RNF6: variants seen among roughly 807,000 people sequenced by gnomAD.
RNF6 encodes the protein ring finger protein 6.
RNF6 carries 21 observed loss-of-function variants against 50.1 expected under a neutral mutation model. The observed-to-expected ratio is 0.42, with a 90% confidence interval of 0.30 to 0.60. RNF6 has a LOEUF of 0.60. Ranked by LOEUF, RNF6 falls within the 20% of genes least tolerant of loss-of-function variation. RNF6 has a pLI of 0.20. For synonymous variants in RNF6, 255 were observed against 291.8 expected (o/e 0.87, Z 1.29); for missense variants, 698 against 838.2 (o/e 0.83, Z 2.07).
rs71080234 is a variant in RNF6, at chr13:26,153,191, ATATTTTATTT to A, written n.769-20750_769-20741del. On this transcript the variant is annotated intron_variant and non_coding_transcript_variant, in intron 5 of 5. Transcript: ENST00000468480. Reference sequence around the variant, plus strand: ...AAAAAGAAAAGACTAAAGATGTAAGATATTTTATTTTATTTTATTTTATTTTATGTATTTT... The same window carrying A: ...AAAAAGAAAAGACTAAAGATGTAAGATATTTTATTTTATTTTATGTATTTT... Among the ~76,000 whole-genome samples the A allele has an allele frequency of 1.1e-3, 171 of 149,918 alleles. 4 individuals are homozygous for A. In the South Asian group the frequency reaches 0.027, roughly 24 times the overall value.
intron 5 of RNF6, among the ~76,000 whole-genome samples, chr13:26,160,931 C>G (rs1419998828): frequency 6.6e-6 from 1 of 152,026 alleles, no homozygotes; most frequent in Admixed American, 6.6e-5. Context: ...CAGAATGGAT[C>G]GGGGCTGACT....
intron 5 of RNF6, among the ~76,000 whole-genome samples, chr13:26,137,920 T>C (rs1870735205): frequency 6.6e-6 from 1 of 151,928 alleles, no homozygotes; most frequent in South Asian, 2.1e-4. Flanking sequence ...GGAAGACACA[T>C]GAAGAAGAAC....
chr13:26,222,162 C>T lies in RNF6; in HGVS notation c.-261G>A, dbSNP rs1313718414. 6.6e-6 allele frequency: 1 copy of T among 152,420 alleles called. No individual in the cohort carries two copies. Among genetic ancestry groups the T allele is most frequent in the Admixed American group, 6.5e-5 (1 of 15,284 alleles). 9.4% of individuals were successfully genotyped at this position (152,420 alleles called of 1,614,324 possible). A position where few individuals can be genotyped will look rare whatever the true frequency, so the allele number is the denominator to read the frequency against. On this transcript the variant is annotated 5_prime_UTR_variant, in exon 1 of 5. Coordinates refer to ENST00000381588, the MANE Select transcript of RNF6 (RefSeq NM_005977.4). The stretch of plus-strand genomic sequence containing the variant: ...CGAATTGGCCACTGAGGAGAGAAGC[C>T]GGAAGCCCGTGCTGCAGCGTGGGGT...
intron 5 of RNF6, among the ~76,000 whole-genome samples, chr13:26,148,672 G>T (rs1488716539): frequency 4.4e-5 from 2 of 45,106 alleles, no homozygotes; most frequent in Admixed American, 2.3e-4. Flanking sequence ...ATATATATAT[G>T]AGGGAGATAT....
At chr13:26,220,750 C>A (rs950245065) in intron 2 of RNF6, among the ~76,000 whole-genome samples, 2 of 152,204 alleles carry the variant, frequency 1.3e-5, no homozygotes, top group African/African-American at 2.4e-5. Context: ...AGTAATACAG[C>A]ACCTGACTCA....
intron 5 of RNF6, chr13:26,142,243 C>A (rs564943929): frequency 6.6e-6 from 1 of 152,120 alleles, no homozygotes; most frequent in South Asian, 2.1e-4. Context: ...TGTTGGTGAG[C>A]CTGCAGAGAA....
intron 5 of RNF6, among the ~76,000 whole-genome samples, chr13:26,205,096 C>T (rs1359839539): frequency 6.6e-6 from 1 of 152,148 alleles, no homozygotes; most frequent in Non-Finnish European, 1.5e-5. Context: ...GCCAGATAGA[C>T]CATGGCTCAT....
At chr13:26,190,457 T>A (rs1000101876) in intron 5 of RNF6, among the ~76,000 whole-genome samples, 2 of 152,210 alleles carry the variant, frequency 1.3e-5, no homozygotes, top group Non-Finnish European at 2.9e-5. Context: ...GAATCCCTCC[T>A]ATGTGACTTC....
intron 5 of RNF6, among the ~76,000 whole-genome samples, chr13:26,138,641 T>C (rs1366849356): frequency 6.6e-6 from 1 of 152,152 alleles, no homozygotes; most frequent in African/African-American, 2.4e-5. Context: ...AGGTTTTATA[T>C]ACTATGGAAA....
At chr13:26,158,936 GT>G (rs1433104962) in intron 5 of RNF6, among the ~76,000 whole-genome samples, 6 of 152,148 alleles carry the variant, frequency 3.9e-5, no homozygotes, top group African/African-American at 1.4e-4. Flanking sequence ...GGAACCTTGT[GT>G]AACAAAGTCA....
chr13:26,209,966 AACAAAACTTGCTG>A (rs1395598023), downstream of RNF6, among the ~76,000 whole-genome samples: 1 of 152,216 alleles, frequency 6.6e-6, no homozygotes, highest in Non-Finnish European at 1.5e-5. Flanking sequence ...TTAATACTCA[AACAAAACTTGCTG>A]AAATGATGGA....
chr13:26,141,385 G>A (rs540173758), intron 5 of RNF6, among the ~76,000 whole-genome samples: 13 of 149,172 alleles, frequency 8.7e-5, no homozygotes, highest in African/African-American at 3.0e-4. Context: ...CAGAGGTTGT[G>A]CCACTGCACT....
At chr13:26,167,144 G>A (rs1287355111) in intron 5 of RNF6, among the ~76,000 whole-genome samples, 1 of 152,168 alleles carries the variant, frequency 6.6e-6, no homozygotes, top group East Asian at 1.9e-4. Context: ...ATAGGAACTG[G>A]CAAAGATTTC....
rs373431408 is a variant in RNF6 at position 26,175,690 on chromosome 13, T to C, written n.768+39784A>G. On this transcript the variant is annotated intron_variant and non_coding_transcript_variant, in intron 5 of 5. Transcript: ENST00000468480. ...GAGTGGGGGAAAACCAGGACAGGGA[T>C]CCAAGAGGGAGTGAGAGAGTAACAG... Among the ~76,000 whole-genome samples the C allele has an allele frequency of 3.3e-5, 5 of 152,140 alleles. No homozygotes were observed. The East Asian group carries it at 7.8e-4, about 24-fold the overall frequency.
intron 5 of RNF6, among the ~76,000 whole-genome samples, chr13:26,169,826 G>A (rs1356829054): frequency 6.6e-6 from 1 of 152,122 alleles, no homozygotes; most frequent in Non-Finnish European, 1.5e-5. Context: ...AATACAGATA[G>A]GCTACAGTCT....
intron 5 of RNF6, among the ~76,000 whole-genome samples, chr13:26,172,155 A>G (rs1003804444): frequency 6.6e-6 from 1 of 152,240 alleles, no homozygotes; most frequent in African/African-American, 2.4e-5. Flanking sequence ...AAATACACCA[A>G]GGGAAAGTGA....
intron 5 of RNF6, among the ~76,000 whole-genome samples, chr13:26,168,467 T>C: frequency 1.3e-5 from 2 of 152,356 alleles, no homozygotes; most frequent in East Asian, 1.9e-4. Context: ...GTGTCGTTTT[T>C]GGGCAGGGGT....
chr13:26,174,369 G>C (rs193269075), intron 5 of RNF6, among the ~76,000 whole-genome samples: 5 of 152,082 alleles, frequency 3.3e-5, no homozygotes. Context: ...AACTGAAATA[G>C]GCTGGGCACG....
chr13:26,173,074 G>A (rs531646042), intron 5 of RNF6, among the ~76,000 whole-genome samples: 1 of 152,286 alleles, frequency 6.6e-6, no homozygotes, highest in East Asian at 1.9e-4. Context: ...AATTAAAGAC[G>A]AGGACAATGC....
Sources: allele counts gnomAD v4.1 joint callset (sites outside exome capture counted in the v4.1 genomes callset), GRCh38; gene constraint gnomAD v4.1.1; transcripts MANE v1.5; gene names NCBI Gene and HGNC (gene_info 2026-07-23, HGNC 2026-07-21).